Variants in GRM5 observed in about 807,000 individuals in gnomAD.
GRM5 encodes glutamate metabotropic receptor 5.
GRM5 carries 19 observed loss-of-function variants against 83.1 expected under a neutral mutation model. The observed-to-expected ratio is 0.23, with a 90% CI of 0.16 to 0.34. The LOEUF (loss-of-function observed/expected upper bound fraction) is 0.34, where lower values mean the gene tolerates loss of function less well. Ranked by LOEUF, GRM5 falls within the 10% of genes least tolerant of loss-of-function variation. The pLI, the probability that GRM5 is intolerant of heterozygous loss-of-function variation, is 1.00. For missense variants in GRM5, 1,160 were observed against 1,588.3 expected (o/e 0.73, Z 4.58); for synonymous variants, 675 against 633.6 (o/e 1.07, Z -0.98).
At chr11:88,811,460 A>G (rs1253340785) in intron 3 of GRM5, among the ~76,000 whole-genome samples, 2 of 152,136 alleles carry the variant, frequency 1.3e-5, no homozygotes, top group Non-Finnish European at 2.9e-5. Context: ...GTGCTGTAGA[A>G]AAATTATGAC....
intron 7 of GRM5, among the ~76,000 whole-genome samples, chr11:88,585,080 A>G (rs1375078812): frequency 1.3e-5 from 2 of 152,168 alleles, no homozygotes; most frequent in Admixed American, 1.3e-4. Flanking sequence ...GGGAAGGAGC[A>G]TCCCTATCTC....
At chr11:88,847,954 C>T (rs1209349828) in intron 3 of GRM5, among the ~76,000 whole-genome samples, 4 of 152,124 alleles carry the variant, frequency 2.6e-5, no homozygotes, top group African/African-American at 4.8e-5. Flanking sequence ...AGAACATTTG[C>T]TTTTTGGCAA....
intron 3 of GRM5, among the ~76,000 whole-genome samples, chr11:88,690,137 T>A (rs892060662): frequency 2.0e-5 from 3 of 152,198 alleles, no homozygotes; most frequent in East Asian, 1.9e-4. Flanking sequence ...TAAATTTTTT[T>A]AAACTCAGAT....
chr11:88,655,842 A>G (rs1939755369), intron 3 of GRM5, among the ~76,000 whole-genome samples: 2 of 152,160 alleles, frequency 1.3e-5, no homozygotes, highest in Non-Finnish European at 2.9e-5. Flanking sequence ...GTGTGTAAAC[A>G]GAAAATCCCA....
chr11:88,632,458 T>A (rs1410044854), intron 4 of GRM5, among the ~76,000 whole-genome samples: 2 of 152,044 alleles, frequency 1.3e-5, no homozygotes, highest in African/African-American at 2.4e-5. Flanking sequence ...GATCTCGAGC[T>A]CCTGGCCTCA....
Position 88,564,820 on chromosome 11 carries a change from T to C in GRM5, c.2630+2233A>G, listed in dbSNP as rs188225098. On this transcript the variant is annotated intron_variant, in intron 8 of 9. Coordinates refer to ENST00000305447, the MANE Select transcript of GRM5 (RefSeq NM_001143831.3). The stretch of plus-strand genomic sequence containing the variant: ...TTAAATTGGAAGACAGGATGTGCTA[T>C]ACAGAATGGCAAAGAGCTGGACAAC... Among the ~76,000 whole-genome samples the C allele has an allele frequency of 1.4e-4, 22 of 152,328 alleles. 1 individual carries two copies. The East Asian group carries it at 3.1e-3, about 21-fold the overall frequency.
intron 3 of GRM5, among the ~76,000 whole-genome samples, chr11:88,655,931 A>T (rs969405757): frequency 6.6e-6 from 1 of 152,104 alleles, no homozygotes; most frequent in East Asian, 1.9e-4. Flanking sequence ...AAAAGACAAC[A>T]CTGGCTAAAT....
intron 8 of GRM5, among the ~76,000 whole-genome samples, chr11:88,553,310 G>T (rs925436721): frequency 3.9e-5 from 6 of 152,114 alleles, no homozygotes; most frequent in Non-Finnish European, 5.9e-5. Flanking sequence ...TTTTGTCCTG[G>T]TCCATTCTCC....
intron 2 of GRM5, among the ~76,000 whole-genome samples, chr11:88,886,028 C>G (rs1565277181): frequency 6.6e-6 from 1 of 152,182 alleles, no homozygotes; most frequent in Non-Finnish European, 1.5e-5. Context: ...TCTCTGCACT[C>G]TATGTAAACA....
At chr11:88,866,430 A>G (rs1366844030) in intron 2 of GRM5, among the ~76,000 whole-genome samples, 1 of 152,058 alleles carries the variant, frequency 6.6e-6, no homozygotes, top group African/African-American at 2.4e-5. Flanking sequence ...GATGGATAGC[A>G]TTAGGAGAAA....
At chr11:88,632,941 T>C (rs1939017460) in intron 4 of GRM5, among the ~76,000 whole-genome samples, 1 of 152,252 alleles carries the variant, frequency 6.6e-6, no homozygotes, top group Admixed American at 6.5e-5. Context: ...TTAATCATAT[T>C]GAGCATCTTC....
intron 2 of GRM5, among the ~76,000 whole-genome samples, chr11:88,881,475 T>G (rs1270878199): frequency 2.0e-5 from 3 of 148,614 alleles, no homozygotes; most frequent in African/African-American, 7.6e-5. Context: ...CTATAAGATA[T>G]CAAAAGAATC....
chr11:88,985,990 C>T (rs1302676045), intron 2 of GRM5, among the ~76,000 whole-genome samples: 1 of 152,184 alleles, frequency 6.6e-6, no homozygotes, highest in South Asian at 2.1e-4. Context: ...AAACATTCCA[C>T]CACTATACAA....
intron 3 of GRM5, among the ~76,000 whole-genome samples, chr11:88,691,404 A>G (rs1182864909): frequency 6.6e-6 from 1 of 152,190 alleles, no homozygotes; most frequent in East Asian, 1.9e-4. Flanking sequence ...GCCATGTAGA[A>G]TAAACTTAAA....
chr11:88,519,209 A>G (rs1002154691), intron 9 of GRM5, among the ~76,000 whole-genome samples: 1 of 151,688 alleles, frequency 6.6e-6, no homozygotes, highest in Non-Finnish European at 1.5e-5. Flanking sequence ...GAAGATGGAT[A>G]GAAAGAGAAA....
chr11:88,655,015 G>A (rs1045581224), intron 3 of GRM5, among the ~76,000 whole-genome samples: 2 of 152,096 alleles, frequency 1.3e-5, no homozygotes, highest in African/African-American at 4.8e-5. Context: ...TAGGGCATCA[G>A]TGGGTGGAGA....
At chr11:89,027,394 G>A (rs1394442906) in intron 2 of GRM5, among the ~76,000 whole-genome samples, 1 of 152,026 alleles carries the variant, frequency 6.6e-6, no homozygotes, top group African/African-American at 2.4e-5. Flanking sequence ...GCACCTGGCC[G>A]GCATTTTCTT....
intron 2 of GRM5, among the ~76,000 whole-genome samples, chr11:88,868,327 T>C (rs1481280069): frequency 1.3e-5 from 2 of 151,890 alleles, no homozygotes; most frequent in East Asian, 1.9e-4. Context: ...CTCTGACATC[T>C]ACTAGTTTGG....
chr11:88,521,203 G>A lies in GRM5; in HGVS notation c.2726+4106C>T, dbSNP rs185884591. Among the ~76,000 whole-genome samples the A allele has an allele frequency of 3.9e-5, 6 of 152,188 alleles. No homozygotes were observed. The East Asian group carries it at 1.2e-3, about 29-fold the overall frequency. ...GAGGCCTAGGTGGGTGGATCACAAG[G>A]TCAAGAGTTCGAGACTAGCCTGGCC... On this transcript the variant is annotated intron_variant, in intron 9 of 9. Transcript: ENST00000305447.
Sources: allele counts gnomAD v4.1 joint callset (sites outside exome capture counted in the v4.1 genomes callset), GRCh38; gene constraint gnomAD v4.1.1; transcripts MANE v1.5; gene names NCBI Gene and HGNC (gene_info 2026-07-23, HGNC 2026-07-21).